The following SUMF1 variants were observed in gnomAD, a reference collection of about 807,000 sequenced individuals.
The protein encoded by SUMF1 is sulfatase modifying factor 1, also known as formylglycine-generating enzyme.
In SUMF1, 48 loss-of-function variants were observed where a neutral mutation model predicts 47.6. The observed-to-expected ratio is 1.01, with a 90% CI of 0.80 to 1.28. The LOEUF (loss-of-function observed/expected upper bound fraction) is 1.28. Among genes scored for constraint, SUMF1 ranks in the 50% most tolerant of loss-of-function variants. The pLI, the probability that SUMF1 is intolerant of heterozygous loss-of-function variation, is 0.00. For synonymous variants in SUMF1, 230 were observed against 192.1 expected (o/e 1.20, Z -1.63); for missense variants, 571 against 485.4 (o/e 1.18, Z -1.66).
intron 8 of SUMF1, among the ~76,000 whole-genome samples, chr3:4,363,309 G>C (rs1182329524): frequency 2.0e-5 from 3 of 152,054 alleles, no homozygotes; most frequent in African/African-American, 7.2e-5. Context: ...AACAAGTCTA[G>C]GAACATCAAA....
chr3:4,330,319 A>G (rs1300975827), intron 8 of SUMF1, among the ~76,000 whole-genome samples: 1 of 152,190 alleles, frequency 6.6e-6, no homozygotes, highest in Non-Finnish European at 1.5e-5. Context: ...GTCAGTTCTC[A>G]TGCTGCTAAT....
In SUMF1 at chr3:4,341,865, T is replaced by C. The variant is rs549886044; in HGVS notation, c.1014+34465A>G. On this transcript the variant is annotated intron_variant and NMD_transcript_variant, in intron 8 of 12. Coordinates refer to the SUMF1 transcript ENST00000448413. ...TTTATGTGTGTGTGTGTTTTTTAAC[T>C]AAGAAGTCATTCATTTGAAAATACT... Among the ~76,000 whole-genome samples the C allele has an allele frequency of 9.2e-5, 14 of 152,342 alleles. No individual in the cohort carries two copies. The South Asian group carries it at 2.7e-3, about 29-fold the overall frequency.
chr3:4,408,757 G>A (rs1199919667), intron 7 of SUMF1, among the ~76,000 whole-genome samples: 1 of 152,162 alleles, frequency 6.6e-6, no homozygotes, highest in African/African-American at 2.4e-5. Flanking sequence ...GATCACCTGA[G>A]GTCAGGTGTT....
At chr3:4,390,381 G>A (rs573567845) in intron 7 of SUMF1, among the ~76,000 whole-genome samples, 1 of 152,300 alleles carries the variant, frequency 6.6e-6, no homozygotes, top group East Asian at 1.9e-4. Context: ...TCCCCACTCA[G>A]CCTTTGCTGG....
intron 8 of SUMF1, among the ~76,000 whole-genome samples, chr3:4,276,035 C>G (rs1421174249): frequency 1.3e-5 from 2 of 152,276 alleles, no homozygotes; most frequent in East Asian, 3.9e-4. Flanking sequence ...ATAAAATACT[C>G]AAGCCCTGAT....
At chr3:4,458,837 C>T (rs2079736001) in intron 1 of SUMF1, among the ~76,000 whole-genome samples, 1 of 152,052 alleles carries the variant, frequency 6.6e-6, no homozygotes, top group African/African-American at 2.4e-5. Flanking sequence ...GCCTGGGCAA[C>T]AGAGCTAGAT....
chr3:4,239,712 G>A (rs1444622698), intron 8 of SUMF1, among the ~76,000 whole-genome samples: 1 of 152,176 alleles, frequency 6.6e-6, no homozygotes, highest in Admixed American at 6.5e-5. Context: ...CATATCATCT[G>A]CAAACAGAGA....
intron 9 of SUMF1, among the ~76,000 whole-genome samples, chr3:4,064,841 T>C (rs1181431702): frequency 1.3e-5 from 2 of 152,194 alleles, no homozygotes; most frequent in African/African-American, 4.8e-5. Context: ...GAACAAGTGC[T>C]AAATTTCTTT....
At chr3:4,368,726 G>C (rs1042594026) in intron 8 of SUMF1, among the ~76,000 whole-genome samples, 2 of 152,108 alleles carry the variant, frequency 1.3e-5, no homozygotes, top group African/African-American at 2.4e-5. Flanking sequence ...AAACATAAGA[G>C]AGCCTAACGC....
intron 8 of SUMF1, among the ~76,000 whole-genome samples, chr3:4,245,788 G>T (rs1279936455): frequency 6.6e-6 from 1 of 152,218 alleles, no homozygotes; most frequent in East Asian, 1.9e-4. Context: ...GTCAGGCAGG[G>T]ACGTTTAAGT....
intron 3 of SUMF1, among the ~76,000 whole-genome samples, chr3:4,425,859 C>T (rs711659): frequency 6.6e-6 from 1 of 152,118 alleles, no homozygotes; most frequent in African/African-American, 2.4e-5. Context: ...GGTAAAGGGG[C>T]AGCAAAGGCA....
intron 8 of SUMF1, among the ~76,000 whole-genome samples, chr3:4,094,550 C>T (rs11918278): frequency 0.1 from 15,379 of 152,032 alleles, 1,464 homozygotes; most frequent in African/African-American, 0.23. Flanking sequence ...TTATTAAACA[C>T]AGAGTGACCA....
At chr3:4,352,498 T>A (rs1374579877) in intron 8 of SUMF1, among the ~76,000 whole-genome samples, 1 of 152,084 alleles carries the variant, frequency 6.6e-6, no homozygotes, top group African/African-American at 2.4e-5. Context: ...AATGGCTTTA[T>A]AATACAGCCA....
At chr3:4,172,795 T>C (rs1311287357) in intron 8 of SUMF1, among the ~76,000 whole-genome samples, 3 of 152,140 alleles carry the variant, frequency 2.0e-5, no homozygotes, top group Non-Finnish European at 2.9e-5. Context: ...AAAAATTTTC[T>C]CCCATTCTGT....
At chr3:4,459,740 C>G (rs1219620558) in intron 1 of SUMF1, among the ~76,000 whole-genome samples, 1 of 152,192 alleles carries the variant, frequency 6.6e-6, no homozygotes, top group Non-Finnish European at 1.5e-5. Context: ...TAATCTCTCC[C>G]TCTTTTCTAC....
chr3:4,034,954 A>G (rs1694766660), intron 9 of SUMF1, among the ~76,000 whole-genome samples: 1 of 151,718 alleles, frequency 6.6e-6, no homozygotes, highest in Admixed American at 6.6e-5. Context: ...CACAAGCAGA[A>G]GGAAGGTCCA....
At chr3:4,256,368 G>A (rs1388685090) in intron 8 of SUMF1, among the ~76,000 whole-genome samples, 3 of 104,698 alleles carry the variant, frequency 2.9e-5, no homozygotes, top group Admixed American at 8.8e-5. Context: ...TAGACCACTA[G>A]CAAGACTGAT....
intron 8 of SUMF1, among the ~76,000 whole-genome samples, chr3:4,298,783 T>C (rs945132081): frequency 1.3e-5 from 2 of 152,248 alleles, no homozygotes; most frequent in Non-Finnish European, 2.9e-5. Context: ...GTCAAACTTT[T>C]CTTAAAATGA....
chr3:4,422,404 T>G (rs1701928672), intron 3 of SUMF1, among the ~76,000 whole-genome samples: 1 of 151,988 alleles, frequency 6.6e-6, no homozygotes, highest in African/African-American at 2.4e-5. Flanking sequence ...CTTAAAAGAA[T>G]GACAAAATAT....
Sources: gnomAD v4.1 joint callset for allele counts (sites outside exome capture counted in the v4.1 genomes callset) on GRCh38, gnomAD v4.1.1 for gene constraint, MANE v1.5 for transcripts, NCBI Gene and HGNC (gene_info 2026-07-23, HGNC 2026-07-21) for gene names.